Variants in IFT43 observed in about 807,000 individuals in gnomAD.
IFT43 encodes intraflagellar transport 43.
IFT43 carries 33 observed loss-of-function variants against 32.3 expected under a neutral mutation model. The observed-to-expected ratio is 1.02, with a 90% CI of 0.77 to 1.37. IFT43 has a LOEUF of 1.37. Ranked by LOEUF, IFT43 falls within the 40% of genes most tolerant of loss-of-function variation. The pLI, the probability that IFT43 is intolerant of heterozygous loss-of-function variation, is 0.00. For missense variants in IFT43, 274 were observed against 265.9 expected, an observed-to-expected ratio of 1.03 and a Z score of -0.21; for synonymous variants, 93 against 98.2, an observed-to-expected ratio of 0.95 and a Z score of 0.31.
intron 3 of IFT43, among the ~76,000 whole-genome samples, chr14:76,056,583 T>C (rs915768937): frequency 6.6e-6 from 1 of 152,252 alleles, no homozygotes; most frequent in Non-Finnish European, 1.5e-5. Flanking sequence ...CTGAGGGTAA[T>C]TGGAGACAAA....
At chr14:76,067,284 G>A (rs890514634) in intron 5 of IFT43, among the ~76,000 whole-genome samples, 3 of 152,194 alleles carry the variant, frequency 2.0e-5, no homozygotes, top group Non-Finnish European at 2.9e-5. Flanking sequence ...ATAGAAGAGA[G>A]GCCGGGTACA....
chr14:76,056,309 G>A (rs78216380), intron 3 of IFT43, among the ~76,000 whole-genome samples: 1,627 of 152,312 alleles, frequency 0.011, 25 homozygotes, highest in African/African-American at 0.037. Flanking sequence ...GACTCCATTT[G>A]ATCTTTCTTC....
intron 2 of IFT43, among the ~76,000 whole-genome samples, chr14:76,020,411 A>T (rs547424652): frequency 6.6e-6 from 1 of 152,074 alleles, no homozygotes; most frequent in Non-Finnish European, 1.5e-5. Flanking sequence ...GTTCCTTTAA[A>T]GGTGTCATGT....
chr14:76,059,512 T>A, intron 5 of IFT43, 139 bp downstream of exon 5: 3 of 797,722 alleles, frequency 3.8e-6, no homozygotes, highest in South Asian at 1.4e-5. Context: ...GATGCACATC[T>A]TCATGCCTTG....
intron 2 of IFT43, among the ~76,000 whole-genome samples, chr14:76,000,396 C>T (rs942474444): frequency 6.6e-6 from 1 of 151,120 alleles, no homozygotes; most frequent in African/African-American, 2.4e-5. Flanking sequence ...TCCCGAGTAG[C>T]TAGGACTACA....
chr14:76,021,578 A>G (rs1414435563), intron 2 of IFT43, among the ~76,000 whole-genome samples: 5 of 152,174 alleles, frequency 3.3e-5, no homozygotes, highest in Non-Finnish European at 7.4e-5. Context: ...GGGTTTTCTT[A>G]TAACATGGCT....
chr14:76,063,879 T>C (rs970357202), intron 5 of IFT43, among the ~76,000 whole-genome samples: 1 of 152,208 alleles, frequency 6.6e-6, no homozygotes, highest in African/African-American at 2.4e-5. Context: ...GGCCATGCAC[T>C]AATCAGAAGC....
At chr14:76,063,844 A>G (rs2037184181) in intron 5 of IFT43, among the ~76,000 whole-genome samples, 1 of 152,314 alleles carries the variant, frequency 6.6e-6, no homozygotes, top group Middle Eastern at 3.4e-3. Flanking sequence ...ATATTCTGGG[A>G]TGGTGGTTAA....
intron 3 of IFT43, among the ~76,000 whole-genome samples, chr14:76,040,109 C>A (rs778447997): frequency 6.6e-6 from 1 of 152,138 alleles, no homozygotes; most frequent in Non-Finnish European, 1.5e-5. Context: ...TGTGTCACCA[C>A]ACCCAGCTAA....
At chr14:76,059,063 C>G (rs2037080399) in intron 4 of IFT43, 3 of 1,426,354 alleles carry the variant, frequency 2.1e-6, no homozygotes, top group Non-Finnish European at 2.7e-6. Context: ...GTAGGGCCAC[C>G]CAGTTTCCTA....
intron 3 of IFT43, among the ~76,000 whole-genome samples, chr14:76,024,755 G>A (rs2036358389): frequency 6.6e-6 from 1 of 152,210 alleles, no homozygotes; most frequent in African/African-American, 2.4e-5. Flanking sequence ...AGCCACATTT[G>A]TTAGCCTCTG....
chr14:76,030,377 A>G (rs72725680), intron 3 of IFT43, among the ~76,000 whole-genome samples: 1,667 of 152,272 alleles, frequency 0.011, 13 homozygotes, highest in Non-Finnish European at 0.017. Context: ...AAGATATTCC[A>G]GAATAAATTT....
intron 5 of IFT43, among the ~76,000 whole-genome samples, chr14:76,060,789 C>A (rs2037116718): frequency 6.6e-6 from 1 of 151,330 alleles, no homozygotes; most frequent in East Asian, 1.9e-4. Context: ...TTGTCTTTGG[C>A]CTTCTTTCTT....
intron 3 of IFT43, among the ~76,000 whole-genome samples, chr14:76,055,595 G>A (rs1055331281): frequency 1.3e-5 from 2 of 152,084 alleles, no homozygotes; most frequent in Non-Finnish European, 2.9e-5. Context: ...AAAAAACATC[G>A]TGCTAGATTC....
chr14:76,044,152 G>A (rs2036760143), intron 3 of IFT43, among the ~76,000 whole-genome samples: 1 of 150,794 alleles, frequency 6.6e-6, no homozygotes, highest in South Asian at 2.1e-4. Flanking sequence ...CGCCCTATGT[G>A]CCTCAGCCTC....
rs1431090798 is a variant in IFT43, at chr14:76,057,559, A to G, written c.216-1083A>G. ...ATTTTTATTTTTTAATTGACAAAAAAAAAAAAAATGAATGTAGAATTCTAC... is the reference window on the plus strand; with the variant it reads ...ATTTTTATTTTTTAATTGACAAAAAGAAAAAAAATGAATGTAGAATTCTAC... On this transcript the variant is annotated intron_variant, in intron 3 of 8. Transcript: ENST00000314067. Among the ~76,000 whole-genome samples, 7 of 152,188 alleles carry G rather than the reference A, an allele frequency of 4.6e-5. No homozygotes were observed. The East Asian group carries it at 1.3e-3, about 29-fold the overall frequency.
intron 5 of IFT43, among the ~76,000 whole-genome samples, chr14:76,061,450 C>G (rs1429672084): frequency 6.6e-6 from 1 of 152,096 alleles, no homozygotes; most frequent in Non-Finnish European, 1.5e-5. Context: ...CTTCTAATTC[C>G]AAGTTTGTAT....
chr14:76,008,693 C>T (rs1238266333), intron 2 of IFT43, among the ~76,000 whole-genome samples: 2 of 152,190 alleles, frequency 1.3e-5, no homozygotes, highest in African/African-American at 4.8e-5. Flanking sequence ...TTGATTCAGT[C>T]CCTCCTTCTT....
At chr14:76,049,381 T>C (rs960658823) in intron 3 of IFT43, among the ~76,000 whole-genome samples, 5 of 152,124 alleles carry the variant, frequency 3.3e-5, no homozygotes, top group Non-Finnish European at 7.4e-5. Flanking sequence ...TAATACAAAA[T>C]AGGCCGTACG....
Sources: gnomAD v4.1 joint callset for allele counts (sites outside exome capture counted in the v4.1 genomes callset) on GRCh38, gnomAD v4.1.1 for gene constraint, MANE v1.5 for transcripts, NCBI Gene and HGNC (gene_info 2026-07-23, HGNC 2026-07-21) for gene names.